PPEF1: variants seen among roughly 807,000 people sequenced by gnomAD.
The protein encoded by PPEF1 is serine/threonine-protein phosphatase with EF-hands 1.
In PPEF1, 12 loss-of-function variants were observed where a neutral mutation model predicts 53.3. The ratio of observed to expected loss-of-function variants is 0.23; its 90% confidence interval spans 0.14 to 0.36. The LOEUF is 0.36. PPEF1 is among the 10% of genes least tolerant of loss of function. PPEF1 has a pLI of 1.00. For missense variants in PPEF1, 334 were observed against 490.4 expected, an observed-to-expected ratio of 0.68 and a Z score of 3.01; for synonymous variants, 165 against 176.7, an observed-to-expected ratio of 0.93 and a Z score of 0.52.
intron 5 of PPEF1, among the ~76,000 whole-genome samples, chrX:18,759,635 C>T (rs2045618378): frequency 9.0e-6 from 1 of 111,685 alleles, no homozygotes; most frequent in African/African-American, 3.2e-5. Flanking sequence ...AGAGTCCTCC[C>T]ATCTTTATGT....
intron 10 of PPEF1, among the ~76,000 whole-genome samples, chrX:18,798,571 G>A (rs6633143): frequency 0.014 from 1,589 of 111,469 alleles, 35 homozygotes; most frequent in African/African-American, 0.049. Flanking sequence ...TGGACAGGGA[G>A]CAGGAGGAAG....
chrX:18,810,003 T>G (rs916395060), intron 12 of PPEF1, among the ~76,000 whole-genome samples: 3 of 110,188 alleles, frequency 2.7e-5, no homozygotes, highest in African/African-American at 9.9e-5. Flanking sequence ...TTGTATACCT[T>G]AAATATGTAC....
At chrX:18,801,993 A>AAAAAG in intron 10 of PPEF1, among the ~76,000 whole-genome samples, 1 of 109,816 alleles carries the variant, frequency 9.1e-6, no homozygotes, top group Middle Eastern at 4.7e-3. Context: ...CAAAAAAAAA[A>AAAAAG]AAAAGAAAAG....
At chrX:18,743,446 CTTTT>C (rs72264344) in intron 3 of PPEF1, among the ~76,000 whole-genome samples, 1 of 59,331 alleles carries the variant, frequency 1.7e-5, no homozygotes, top group Non-Finnish European at 3.1e-5. Flanking sequence ...TTCTCTTTTT[CTTTT>C]TTTTTTTTTT....
At chrX:18,788,077 GA>G (rs2046246555) in intron 9 of PPEF1, among the ~76,000 whole-genome samples, 1 of 111,703 alleles carries the variant, frequency 9.0e-6, no homozygotes, top group Non-Finnish European at 1.9e-5. Context: ...AGCACTTTGG[GA>G]GGCCAAGGCG....
At chrX:18,754,272 G>GGTTTGTTT (rs976321337) in intron 4 of PPEF1, among the ~76,000 whole-genome samples, 2 of 111,088 alleles carry the variant, frequency 1.8e-5, no homozygotes, top group Non-Finnish European at 3.8e-5. Context: ...ATTCTGACAG[G>GGTTTGTTT]GTTTGTTTGT....
At chrX:18,735,891 T>C (rs767038482) in intron 3 of PPEF1, among the ~76,000 whole-genome samples, 1 of 111,953 alleles carries the variant, frequency 8.9e-6, no homozygotes, top group Admixed American at 9.5e-5. Flanking sequence ...TTTGAAGCAA[T>C]TGTGAATAGG....
intron 4 of PPEF1, among the ~76,000 whole-genome samples, chrX:18,693,215 A>G (rs1280698129): frequency 2.7e-5 from 3 of 111,786 alleles, no homozygotes; most frequent in Non-Finnish European, 5.6e-5. Flanking sequence ...AGTCATTTGT[A>G]TTATCTGCCC....
chrX:18,757,375 G>C (rs1433050363), intron 4 of PPEF1, among the ~76,000 whole-genome samples: 1 of 109,908 alleles, frequency 9.1e-6, no homozygotes, highest in Non-Finnish European at 1.9e-5. Context: ...GGGCAAGGGC[G>C]TGCCTCCCTT....
At chrX:18,800,963 T>C (rs1295622831) in intron 10 of PPEF1, among the ~76,000 whole-genome samples, 1 of 112,012 alleles carries the variant, frequency 8.9e-6, no homozygotes, top group African/African-American at 3.2e-5. Flanking sequence ...AAAGCCCAAC[T>C]CCTTGATTTC....
At chrX:18,701,865 G>T (rs893878615) in intron 6 of PPEF1, among the ~76,000 whole-genome samples, 1 of 112,280 alleles carries the variant, frequency 8.9e-6, no homozygotes, top group Admixed American at 9.4e-5. Flanking sequence ...GGAAAACCTG[G>T]CACCAGGCCA....
At chrX:18,781,986 G>A (rs759539745) in intron 7 of PPEF1, among the ~76,000 whole-genome samples, 3 of 111,433 alleles carry the variant, frequency 2.7e-5, no homozygotes, top group East Asian at 5.6e-4. Context: ...GGATGTCTGA[G>A]AAATTCTATC....
chrX:18,713,074 T>C (rs1220827865), intron 1 of PPEF1, among the ~76,000 whole-genome samples: 2 of 111,728 alleles, frequency 1.8e-5, no homozygotes, highest in African/African-American at 3.2e-5. Context: ...GAGATACTGA[T>C]CTATAGTTTT....
intron 3 of PPEF1, among the ~76,000 whole-genome samples, chrX:18,735,047 G>T (rs950395465): frequency 1.8e-5 from 2 of 111,954 alleles, no homozygotes; most frequent in Non-Finnish European, 3.8e-5. Flanking sequence ...CAGATGGGTA[G>T]ATTGTAAAAA....
intron 6 of PPEF1, among the ~76,000 whole-genome samples, chrX:18,763,062 A>G (rs1271886782): frequency 1.8e-5 from 2 of 112,029 alleles, no homozygotes; most frequent in Non-Finnish European, 3.8e-5. Context: ...CTTCTAAGCT[A>G]TATGTCTACG....
At chrX:18,688,545 A>G (rs1351743807) in intron 3 of PPEF1, 1 of 112,665 alleles carries the variant, frequency 8.9e-6, no homozygotes, top group East Asian at 2.8e-4. Context: ...TTGACAGCCC[A>G]CTTCACTGGG....
chrX:18,727,576 G>C (rs2044737543), intron 1 of PPEF1, among the ~76,000 whole-genome samples: 1 of 110,451 alleles, frequency 9.1e-6, no homozygotes. Context: ...CCAAGCAGCA[G>C]ATACCAGCTG....
chrX:18,711,772 G>A (rs868151176), intron 1 of PPEF1, among the ~76,000 whole-genome samples: 1 of 27,319 alleles, frequency 3.7e-5, no homozygotes, highest in African/African-American at 1.5e-4. Context: ...TTTTTTTTTT[G>A]AGACGGAGTC....
chrX:18,812,458 G>T (rs973429561), intron 12 of PPEF1, among the ~76,000 whole-genome samples: 10 of 111,753 alleles, frequency 8.9e-5, no homozygotes, highest in African/African-American at 2.6e-4. Context: ...GATTGTTTTG[G>T]CTATTTTGGG....
Sources: allele counts gnomAD v4.1 joint callset (sites outside exome capture counted in the v4.1 genomes callset), GRCh38; gene constraint gnomAD v4.1.1; transcripts MANE v1.5; gene names NCBI Gene and HGNC (gene_info 2026-07-23, HGNC 2026-07-21).